Variants in RAB8A observed in about 807,000 individuals in gnomAD.
RAB8A encodes RAB8A, member RAS oncogene family, also known as ras-related protein Rab-8A.
Under a neutral mutation model 29.2 loss-of-function variants are expected in RAB8A, and 5 were observed. The observed-to-expected ratio is 0.17, with a 90% CI of 0.09 to 0.36. RAB8A has a LOEUF of 0.36. Ranked by LOEUF, RAB8A falls within the 10% of genes least tolerant of loss-of-function variation. The pLI, the probability that RAB8A is intolerant of heterozygous loss-of-function variation, is 1.00. For synonymous variants in RAB8A, 108 were observed against 99.9 expected (o/e 1.08, Z -0.49); for missense variants, 171 against 272.2 (o/e 0.63, Z 2.62).
chr19:16,121,973 G>A (rs533997262), intron 3 of RAB8A, 163 bp downstream of exon 3: 20 of 639,030 alleles, frequency 3.1e-5, no homozygotes, highest in African/African-American at 9.1e-5. Context: ...TTTGTGCCCC[G>A]GCCTACCCCC....
At chr19:16,115,278 ACT>A (rs2090841535) in intron 1 of RAB8A, among the ~76,000 whole-genome samples, 1 of 149,332 alleles carries the variant, frequency 6.7e-6, no homozygotes, top group Non-Finnish European at 1.5e-5. Flanking sequence ...ACAGAGCAAA[ACT>A]CTGTCTCCAA....
At chr19:16,119,197 CTCTTCTTTTTTTT>C (rs2090861413) in intron 2 of RAB8A, among the ~76,000 whole-genome samples, 1 of 152,070 alleles carries the variant, frequency 6.6e-6, no homozygotes, top group African/African-American at 2.4e-5. Context: ...TGCTATTCAC[CTCTTCTTTTTTTT>C]TCTTCTTTTT....
intron 1 of RAB8A, among the ~76,000 whole-genome samples, chr19:16,115,311 A>G (rs796897297): frequency 1.1e-4 from 17 of 152,292 alleles, no homozygotes; most frequent in African/African-American, 4.1e-4. Flanking sequence ...AAGCAATTCT[A>G]TATTGGCTGA....
chr19:16,119,839 G>A (rs1440096188), intron 2 of RAB8A, among the ~76,000 whole-genome samples: 1 of 151,614 alleles, frequency 6.6e-6, no homozygotes, highest in African/African-American at 2.4e-5. Context: ...TTGAGACAGA[G>A]TTTTGCTCTT....
In RAB8A at chr19:16,128,108, G is replaced by A. The variant is rs780392727; in HGVS notation, c.480+17G>A. 4 of 1,612,212 alleles carry A rather than the reference G, an allele frequency of 2.5e-6. No individual in the cohort carries two copies. In the African/African-American group the frequency reaches 4.0e-5, roughly 16 times the overall value. ...GTGGAAAATGTGAGTCCCGGGCCCT[G>A]CTGGGAGACATGGGGCCTGCAGGAT... On this transcript the variant is annotated intron_variant, in intron 6 of 7. Transcript: ENST00000300935.
intron 7 of RAB8A, among the ~76,000 whole-genome samples, chr19:16,130,661 A>C (rs879658880): frequency 6.6e-6 from 1 of 151,850 alleles, no homozygotes; most frequent in Admixed American, 6.6e-5. Flanking sequence ...GTTAAAAAAG[A>C]GATTTTTTTT....
intron 6 of RAB8A, among the ~76,000 whole-genome samples, chr19:16,128,494 G>A (rs536136253): frequency 1.3e-5 from 2 of 152,158 alleles, no homozygotes; most frequent in South Asian, 2.1e-4. Context: ...ATGGGACCTG[G>A]GCCCATGCCA....
chr19:16,118,968 C>T (rs191942314), intron 2 of RAB8A, among the ~76,000 whole-genome samples: 120 of 152,332 alleles, frequency 7.9e-4, no homozygotes, highest in African/African-American at 2.4e-3. Flanking sequence ...TGCACACATG[C>T]CACTCGCACA....
Position 16,125,602 on chromosome 19 carries a change from C to T in RAB8A, c.324+55C>T. On this transcript the variant is annotated intron_variant, in intron 4 of 7. Coordinates refer to ENST00000300935, the MANE Select transcript of RAB8A (RefSeq NM_005370.5). This position sits in a 1 kb window ranked among gnomAD's most constrained non-coding sequence, Gnocchi z 5.0. ...CTGCTTCAGTCCTTGTCCCAGAGCC[C>T]TCTGGTTTACTCATGAGAAGGCCAA... The T allele has an allele frequency of 2.0e-6, 3 of 1,521,820 alleles. No homozygotes were observed. The highest frequency in any genetic ancestry group is 1.2e-5 in the South Asian group (1 of 86,864). The allele number at this position is 1,521,820 out of a possible 1,614,324, so 94.3% of individuals were successfully genotyped here.
chr19:16,131,063 A>C (rs1239773263), intron 7 of RAB8A, among the ~76,000 whole-genome samples: 2 of 152,066 alleles, frequency 1.3e-5, no homozygotes, highest in Non-Finnish European at 2.9e-5. Context: ...ACCTCAGGTG[A>C]TCCACCTGCC....
chr19:16,127,344 C>A lies in RAB8A; in HGVS notation c.325-93C>A. On this transcript the variant is annotated intron_variant, in intron 4 of 7. Transcript: ENST00000300935. The surrounding 1 kb of genome is among the most constrained non-coding windows in gnomAD (Gnocchi z 4.8). ...GCTGTACCTAGCAGTCCTGACCCCA[C>A]CGCTCTGATTTCTGGGGACAGACTG... 1 of 808,750 alleles carries A rather than the reference C, an allele frequency of 1.2e-6. No individual in the cohort carries two copies. The highest frequency in any genetic ancestry group is 1.8e-6 in the Non-Finnish European group (1 of 559,314). The allele number at this position is 808,750 out of a possible 1,614,324, so 50.1% of individuals were successfully genotyped here. A position where few individuals can be genotyped will look rare whatever the true frequency, so the allele number is the denominator to read the frequency against.
chr19:16,130,145 G>GT (rs1157256525), intron 7 of RAB8A, among the ~76,000 whole-genome samples: 1 of 142,274 alleles, frequency 7.0e-6, no homozygotes, highest in Non-Finnish European at 1.6e-5. Context: ...CCTCTCATTC[G>GT]TTTCTTGCTT....
chr19:16,115,322 G>A (rs1436699478), intron 1 of RAB8A, among the ~76,000 whole-genome samples: 1 of 152,082 alleles, frequency 6.6e-6, no homozygotes, highest in Non-Finnish European at 1.5e-5. Context: ...TATTGGCTGA[G>A]TGTACCTCTG....
Position 16,127,777 on chromosome 19 carries a change from G to A in RAB8A, c.415-249G>A, listed in dbSNP as rs991492989. On this transcript the variant is annotated intron_variant, in intron 5 of 7. Coordinates refer to ENST00000300935, the MANE Select transcript of RAB8A (RefSeq NM_005370.5). The surrounding 1 kb of genome is among the most constrained non-coding windows in gnomAD (Gnocchi z 4.8). ...CACAGGAGCGGGGAACAGAGCCATA[G>A]TTTGATCCCAGCAGGTCCCCGCCAC... is the stretch of plus-strand genomic sequence containing the variant. The A allele has an allele frequency of 3.2e-6, 2 of 616,720 alleles. No homozygotes were observed. The highest frequency in any genetic ancestry group is 2.7e-5 in the East Asian group (1 of 36,474). 38.2% of individuals were successfully genotyped at this position (616,720 alleles called of 1,614,324 possible). A position where few individuals can be genotyped will look rare whatever the true frequency, so the allele number is the denominator to read the frequency against.
intron 6 of RAB8A, 86 bp from the exon 7 acceptor site, chr19:16,129,468 G>T: frequency 1.1e-5 from 15 of 1,356,072 alleles, no homozygotes; most frequent in Non-Finnish European, 1.6e-5. Context: ...CGCCTGGGAA[G>T]CTGTCTCACC....
intron 1 of RAB8A, among the ~76,000 whole-genome samples, chr19:16,116,282 C>T (rs569850493): frequency 6.6e-6 from 1 of 152,092 alleles, no homozygotes; most frequent in South Asian, 2.1e-4. Context: ...AGGTCATGAG[C>T]CAGAGTGCTG....
Position 16,125,560 on chromosome 19 carries a change from G to T in RAB8A, c.324+13G>T, listed in dbSNP as rs547885481. 1 of 1,602,686 alleles carries T rather than the reference G, an allele frequency of 6.2e-7. No individual in the cohort carries two copies. Among genetic ancestry groups the T allele is most frequent in the South Asian group, 1.1e-5 (1 of 90,666 alleles). ...CAACATTGAGGAGGTGAGGCCCTCC[G>T]GCTCCTCCCACTGTCCCTGCTTCAG... On this transcript the variant is annotated intron_variant, in intron 4 of 7. Coordinates refer to ENST00000300935, the MANE Select transcript of RAB8A (RefSeq NM_005370.5). The surrounding 1 kb of genome is among the most constrained non-coding windows in gnomAD (Gnocchi z 5.0).
Position 16,118,258 on chromosome 19 carries a change from G to T in RAB8A, c.157G>T (p.Asp53Tyr). Residue 53 changes from aspartate (D) to tyrosine (Y), a missense_variant, in exon 2 of 8, where the codon GAT becomes TAT. Asp to Tyr is a radical substitution (Grantham distance 160). Transcript: ENST00000300935. ...IDFKIRTIEL[D>Y]GKRIKLQIWD... ...CTTTAAAATTAGGACCATAGAGCTC[G>T]ATGGCAAGAGAATTAAACTGCAGAT... is the stretch of plus-strand genomic sequence containing the variant. 1 of 1,611,210 alleles carries T rather than the reference G, an allele frequency of 6.2e-7. No individual in the cohort carries two copies. The highest frequency in any genetic ancestry group is 1.1e-5 in the South Asian group (1 of 91,058).
At chr19:16,115,480 G>C (rs1214525530) in intron 1 of RAB8A, among the ~76,000 whole-genome samples, 1 of 152,194 alleles carries the variant, frequency 6.6e-6, no homozygotes, top group Non-Finnish European at 1.5e-5. Context: ...TAGCTCCCTG[G>C]AATGGGTTCT....
Sources: allele counts gnomAD v4.1 joint callset (sites outside exome capture counted in the v4.1 genomes callset), GRCh38; gene constraint gnomAD v4.1.1; non-coding constraint Gnocchi (gnomAD v3.1); transcripts MANE v1.5; gene names NCBI Gene and HGNC (gene_info 2026-07-23, HGNC 2026-07-21).